The following RAB22A variants were observed in gnomAD, a reference collection of about 807,000 sequenced individuals.
The protein encoded by RAB22A is ras-related protein Rab-22A.
In RAB22A, 13 loss-of-function variants were observed where a neutral mutation model predicts 30.2. That is an observed-to-expected ratio of 0.43 (90% CI 0.28 to 0.68). The LOEUF (loss-of-function observed/expected upper bound fraction) is 0.68, where lower values mean the gene tolerates loss of function less well. Among genes scored for constraint, RAB22A ranks in the 30% least tolerant of loss-of-function variants. The probability of loss-of-function intolerance (pLI) is 0.18; values close to 1 mark genes in which losing one functional copy is unlikely to be tolerated. For missense variants in RAB22A, 177 were observed against 246.8 expected, an observed-to-expected ratio of 0.72 and a Z score of 1.89; for synonymous variants, 89 against 87.2, an observed-to-expected ratio of 1.02 and a Z score of -0.11.
chr20:58,310,048 G>A, intron 1 of RAB22A, 36 bp downstream of exon 1: 1 of 1,261,154 alleles, frequency 7.9e-7, no homozygotes, highest in Non-Finnish European at 1.0e-6. Flanking sequence ...AGGGCCACGG[G>A]AGGCTGGGCT....
At chr20:58,347,692 C>T (rs1016948105) in intron 3 of RAB22A, among the ~76,000 whole-genome samples, 1 of 152,196 alleles carries the variant, frequency 6.6e-6, no homozygotes, top group African/African-American at 2.4e-5. Flanking sequence ...CTTGATTTTA[C>T]AATTTTAAGT....
intron 2 of RAB22A, among the ~76,000 whole-genome samples, chr20:58,341,448 G>A (rs1986853093): frequency 6.6e-6 from 1 of 152,184 alleles, no homozygotes; most frequent in Admixed American, 6.5e-5. Flanking sequence ...AGACAAGACA[G>A]GCAAGGAGGC....
At chr20:58,346,830 T>G (rs1986957774) in intron 3 of RAB22A, among the ~76,000 whole-genome samples, 1 of 152,170 alleles carries the variant, frequency 6.6e-6, no homozygotes, top group South Asian at 2.1e-4. Flanking sequence ...GAGTATTCCT[T>G]TGTATCCTGA....
At chr20:58,321,860 G>A (rs147029544) in intron 2 of RAB22A, among the ~76,000 whole-genome samples, 2 of 152,302 alleles carry the variant, frequency 1.3e-5, no homozygotes, top group African/African-American at 4.8e-5. Context: ...GAGTGCAGTG[G>A]TGCAGTCACA....
intron 6 of RAB22A, among the ~76,000 whole-genome samples, chr20:58,354,551 G>A (rs1333096782): frequency 3.3e-5 from 5 of 152,170 alleles, no homozygotes; most frequent in African/African-American, 4.8e-5. Flanking sequence ...ATATGTTTCT[G>A]TTAGTCGTCC....
At chr20:58,313,660 A>G (rs1430937916) in intron 2 of RAB22A, among the ~76,000 whole-genome samples, 1 of 152,110 alleles carries the variant, frequency 6.6e-6, no homozygotes, top group African/African-American at 2.4e-5. Flanking sequence ...TTTCCATCTA[A>G]TAGCCAAAGT....
chr20:58,315,936 C>G (rs1341826407), intron 2 of RAB22A, among the ~76,000 whole-genome samples: 1 of 152,114 alleles, frequency 6.6e-6, no homozygotes, highest in Non-Finnish European at 1.5e-5. Context: ...GCAGAGGAAC[C>G]CTTCCCTAGC....
intron 2 of RAB22A, among the ~76,000 whole-genome samples, chr20:58,343,268 C>G (rs976709098): frequency 6.6e-6 from 1 of 152,168 alleles, no homozygotes; most frequent in African/African-American, 2.4e-5. Flanking sequence ...AACACTAGCT[C>G]TCACTCACCT....
chr20:58,353,606 T>C (rs1320576340), intron 5 of RAB22A, 68 bp downstream of exon 5: 1 of 1,261,504 alleles, frequency 7.9e-7, no homozygotes, highest in Non-Finnish European at 1.1e-6. Flanking sequence ...CAATATCCAG[T>C]TTAAGAATCT....
At chr20:58,345,195 G>A (rs1317020932) in intron 3 of RAB22A, among the ~76,000 whole-genome samples, 1 of 151,992 alleles carries the variant, frequency 6.6e-6, no homozygotes. Flanking sequence ...ATACAGCAAA[G>A]CCCTCATCAT....
intron 2 of RAB22A, among the ~76,000 whole-genome samples, chr20:58,315,555 T>A: frequency 1.7e-5 from 1 of 59,894 alleles, no homozygotes; most frequent in Admixed American, 1.2e-4. Context: ...CTTGTGGAGG[T>A]TGGGGCGGGG....
chr20:58,311,752 C>G (rs944571164), intron 2 of RAB22A, among the ~76,000 whole-genome samples: 1 of 152,114 alleles, frequency 6.6e-6, no homozygotes, highest in Non-Finnish European at 1.5e-5. Flanking sequence ...TAAATAGGTG[C>G]TGTGCTCTAG....
At chr20:58,315,615 T>C (rs1986321334) in intron 2 of RAB22A, among the ~76,000 whole-genome samples, 1 of 152,036 alleles carries the variant, frequency 6.6e-6, no homozygotes, top group Admixed American at 6.6e-5. Context: ...ATTCCGTGAC[T>C]CCATACACAG....
intron 2 of RAB22A, among the ~76,000 whole-genome samples, chr20:58,323,064 A>G (rs1018541841): frequency 5.3e-5 from 8 of 152,192 alleles, no homozygotes; most frequent in East Asian, 1.9e-4. Context: ...CTGGAGAGAA[A>G]TGGTATCTTT....
intron 1 of RAB22A, among the ~76,000 whole-genome samples, chr20:58,310,806 G>T (rs546308381): frequency 6.6e-6 from 1 of 152,248 alleles, no homozygotes; most frequent in South Asian, 2.1e-4. Flanking sequence ...AGAAACTTTG[G>T]GTCTCTCAAA....
At position 58,322,915 on chromosome 20, in the gene RAB22A, T is replaced by G. The variant is rs148421735; in HGVS notation, c.116+11793T>G. 9.3e-3 allele frequency among the ~76,000 whole-genome samples: 1,414 copies of G among 152,346 alleles called. 13 individuals are homozygous for G. The highest frequency in any genetic ancestry group is 0.071 in the Middle Eastern group (21 of 294). On this transcript the variant is annotated intron_variant, in intron 2 of 6. Transcript: ENST00000244040. ...TGTCCAGTGGTGTGAATTTTCTGTG[T>G]TGTTCTTCAGCAATGTCTTGGCTGT...
Position 58,309,842 on chromosome 20 carries a change from G to A in RAB22A, c.-135G>A. The A allele has an allele frequency of 3.5e-6, 3 of 845,726 alleles. No individual in the cohort carries two copies. Among genetic ancestry groups the A allele is most frequent in the Non-Finnish European group, 4.8e-6 (3 of 629,870 alleles). The allele number at this position is 845,726 out of a possible 1,614,324, so 52.4% of individuals were successfully genotyped here. A position where few individuals can be genotyped will look rare whatever the true frequency, so the allele number is the denominator to read the frequency against. On this transcript the variant is annotated 5_prime_UTR_variant, in exon 1 of 7. Transcript: ENST00000244040. ...CAGGCCGGACCTACGGCCGGAGGAC[G>A]GGCGGCAGCCGCCTCTGCGCGGACC...
Position 58,342,339 on chromosome 20 carries a change from C to T in RAB22A, c.117-1379C>T, listed in dbSNP as rs892047549. ...ATGATCTTGCCTCCTAATTTACCTTCGCTTCCTAGTCACAGTCACTGTTTT... is the reference window on the plus strand; with the variant it reads ...ATGATCTTGCCTCCTAATTTACCTTTGCTTCCTAGTCACAGTCACTGTTTT... On this transcript the variant is annotated intron_variant, in intron 2 of 6. Transcript: ENST00000244040. Among the ~76,000 whole-genome samples the T allele has an allele frequency of 5.3e-5, 8 of 152,166 alleles. No individual in the cohort carries two copies. In the South Asian group the frequency reaches 1.4e-3, roughly 28 times the overall value.
In RAB22A at chr20:58,360,478, A is replaced by C. The variant is rs1987206995; in HGVS notation, c.*775A>C. The C allele has an allele frequency of 6.6e-6, 1 of 152,656 alleles. No individual in the cohort carries two copies. The highest frequency in any genetic ancestry group is 1.5e-5 in the Non-Finnish European group (1 of 68,040). 9.5% of individuals were successfully genotyped at this position (152,656 alleles called of 1,614,324 possible). On this transcript the variant is annotated 3_prime_UTR_variant, in exon 7 of 7. Transcript: ENST00000244040. The stretch of plus-strand genomic sequence containing the variant: ...TAAAATGACTAGCAATGGTTTAAAA[A>C]GGAAGAAGAGTGGAAGTGAAGAAGG...
Sources: gnomAD v4.1 joint callset for allele counts (sites outside exome capture counted in the v4.1 genomes callset) on GRCh38, gnomAD v4.1.1 for gene constraint, MANE v1.5 for transcripts, NCBI Gene and HGNC (gene_info 2026-07-23, HGNC 2026-07-21) for gene names.